FAM241A: variants seen among roughly 807,000 people sequenced by gnomAD.
The protein encoded by FAM241A is family with sequence similarity 241 member A, also known as uncharacterized protein FAM241A.
FAM241A carries 7 observed loss-of-function variants against 12.2 expected under a neutral mutation model. The observed-to-expected ratio is 0.58, with a 90% CI of 0.33 to 1.08. The LOEUF (loss-of-function observed/expected upper bound fraction) is 1.08. Among genes scored for constraint, FAM241A ranks in the 50% least tolerant of loss-of-function variants. FAM241A has a pLI of 0.04. For missense variants in FAM241A, 161 were observed against 169.7 expected, an observed-to-expected ratio of 0.95 and a Z score of 0.29; for synonymous variants, 74 against 68.2, an observed-to-expected ratio of 1.08 and a Z score of -0.42.
chr4:112,147,025 G>T (rs953134975), intron 1 of FAM241A, among the ~76,000 whole-genome samples: 10 of 152,168 alleles, frequency 6.6e-5, no homozygotes, highest in Non-Finnish European at 1.2e-4. Flanking sequence ...TCCTTTGGGG[G>T]TGGGGAGGGG....
At position 112,187,159 on chromosome 4, in the gene FAM241A, T is replaced by C. The variant is rs954902113; in HGVS notation, c.*221T>C. 1.3e-5 allele frequency: 7 copies of C among 524,180 alleles called. No individual in the cohort carries two copies. The highest frequency in any genetic ancestry group is 3.3e-5 in the East Asian group (1 of 30,538). 32.5% of individuals were successfully genotyped at this position (524,180 alleles called of 1,614,324 possible). On this transcript the variant is annotated 3_prime_UTR_variant, in exon 2 of 2. Transcript: ENST00000309733. ...ATATACATTAGCTTATTCAAAACTC[T>C]TGTTTCACTACTGTGATCTCTGTCT...
At chr4:112,161,208 A>T (rs1723460275) in intron 1 of FAM241A, among the ~76,000 whole-genome samples, 1 of 152,214 alleles carries the variant, frequency 6.6e-6, no homozygotes. Flanking sequence ...AAGAGAAAGC[A>T]GGAAAGATCT....
intron 1 of FAM241A, among the ~76,000 whole-genome samples, chr4:112,180,703 G>C (rs1307305079): frequency 2.0e-5 from 3 of 152,078 alleles, no homozygotes; most frequent in African/African-American, 7.2e-5. Context: ...ACTGAAGAAT[G>C]GTCAAAGAGG....
At chr4:112,179,914 G>GACAT (rs1479640205) in intron 1 of FAM241A, among the ~76,000 whole-genome samples, 3,258 of 117,746 alleles carry the variant, frequency 0.028, 207 homozygotes, top group South Asian at 0.076. Context: ...AAGAAAATGT[G>GACAT]ATATATATAT....
At chr4:112,172,220 A>G (rs1443091638) in intron 1 of FAM241A, among the ~76,000 whole-genome samples, 1 of 152,208 alleles carries the variant, frequency 6.6e-6, no homozygotes, top group Non-Finnish European at 1.5e-5. Context: ...TCATTTTTTA[A>G]ATTAATAAAT....
chr4:112,148,672 A>G (rs556372510), intron 1 of FAM241A, among the ~76,000 whole-genome samples: 1 of 152,346 alleles, frequency 6.6e-6, no homozygotes, highest in African/African-American at 2.4e-5. Flanking sequence ...GGGAATGTCC[A>G]AGAAACTGAA....
chr4:112,171,588 G>A (rs752683383), intron 1 of FAM241A: 25 of 641,384 alleles, frequency 3.9e-5, no homozygotes, highest in Non-Finnish European at 6.3e-5. Flanking sequence ...GGCCGGGTGC[G>A]GTGGCTCACG....
At position 112,189,726 on chromosome 4, in the gene FAM241A, G is replaced by A. The variant is rs1321371033; in HGVS notation, c.*2788G>A. ...TAGTGTGCTGGAGCAAGCTTGCACT[G>A]GCTTACAAGAGCCAACTGTGAACAT... is the stretch of plus-strand genomic sequence containing the variant. On this transcript the variant is annotated 3_prime_UTR_variant, in exon 2 of 2. Coordinates refer to ENST00000309733, the MANE Select transcript of FAM241A (RefSeq NM_152400.3). The A allele has an allele frequency of 2.0e-5, 3 of 152,188 alleles. No individual in the cohort carries two copies. The highest frequency in any genetic ancestry group is 2.9e-5 in the Non-Finnish European group (2 of 68,036). The allele number at this position is 152,188 out of a possible 1,614,324, so 9.4% of individuals were successfully genotyped here.
chr4:112,171,472 G>A, intron 1 of FAM241A: 1 of 778,676 alleles, frequency 1.3e-6, no homozygotes. Flanking sequence ...ATTAAAAGAT[G>A]CAAGCATTTT....
Position 112,193,389 on chromosome 4 carries a change from T to G in FAM241A, c.*6451T>G, listed in dbSNP as rs1014062336. 1.3e-5 allele frequency: 2 copies of G among 151,900 alleles called. No homozygotes were observed. Among genetic ancestry groups the G allele is most frequent in the African/African-American group, 4.9e-5 (2 of 41,178 alleles). 9.4% of individuals were successfully genotyped at this position (151,900 alleles called of 1,614,324 possible). A position where few individuals can be genotyped will look rare whatever the true frequency, so the allele number is the denominator to read the frequency against. On this transcript the variant is annotated 3_prime_UTR_variant, in exon 2 of 2. Coordinates refer to ENST00000309733, the MANE Select transcript of FAM241A (RefSeq NM_152400.3). ...TGTCAATTTTGTCTTTTGTTGCCAT[T>G]GCTTTTGGTGTTTTAGACATGAAGT...
In FAM241A at chr4:112,160,980, C is replaced by T. The variant is rs373082316; in HGVS notation, c.153+15247C>T. ...ACTACAAGAAAACATTGGGGAAAAG[C>T]TCCAGGACATTAGTTTGGACAAAAA... On this transcript the variant is annotated intron_variant, in intron 1 of 1. Coordinates refer to ENST00000309733, the MANE Select transcript of FAM241A (RefSeq NM_152400.3). Among the ~76,000 whole-genome samples the T allele has an allele frequency of 1.8e-4, 28 of 152,282 alleles. No homozygotes were observed. In the East Asian group the frequency reaches 5.0e-3, roughly 27 times the overall value.
chr4:112,158,229 A>G (rs965079377), intron 1 of FAM241A, among the ~76,000 whole-genome samples: 3 of 152,110 alleles, frequency 2.0e-5, no homozygotes, highest in African/African-American at 4.8e-5. Context: ...TTTGGAAATC[A>G]AAGTCTTTGG....
chr4:112,165,676 TCTTA>T (rs1416596105), intron 1 of FAM241A, among the ~76,000 whole-genome samples: 7 of 152,286 alleles, frequency 4.6e-5, no homozygotes, highest in South Asian at 2.1e-4. Flanking sequence ...CATCGCATAT[TCTTA>T]CTTACTTGTG....
intron 1 of FAM241A, among the ~76,000 whole-genome samples, chr4:112,175,905 A>G (rs1723811349): frequency 6.6e-6 from 1 of 152,228 alleles, no homozygotes; most frequent in African/African-American, 2.4e-5. Context: ...AATATATGGT[A>G]TATATACTAG....
rs764560269 is a variant in FAM241A, at chr4:112,186,683, T to C, written c.154-10T>C. Reference sequence around the variant, plus strand: ...ATGTTCATGTTTTGTCTTTTTTTTTTTTTTTAAAGGATGTTGAAGACTCAC... The same window carrying C: ...ATGTTCATGTTTTGTCTTTTTTTTTCTTTTTAAAGGATGTTGAAGACTCAC... On this transcript the variant is annotated splice_polypyrimidine_tract_variant and intron_variant, in intron 1 of 1. Transcript: ENST00000309733. The C allele has an allele frequency of 6.3e-7, 1 of 1,580,390 alleles. No homozygotes were observed. The highest frequency in any genetic ancestry group is 8.5e-7 in the Non-Finnish European group (1 of 1,169,622).
At position 112,186,800 on chromosome 4, in the gene FAM241A, C is replaced by G; in HGVS notation, c.261C>G (p.Phe87Leu). The change falls in exon 2 of 2, where the codon TTC becomes TTG. Residue 87 changes from phenylalanine to leucine, a missense_variant. Coordinates refer to ENST00000309733, the MANE Select transcript of FAM241A (RefSeq NM_152400.3). ...ELNKNLINMGFTRMYFGERIV... is the reference protein window; with the variant it reads ...ELNKNLINMGLTRMYFGERIV... Reference sequence around the variant, plus strand: ...ACAAAAACCTTATCAACATGGGCTTCACAAGGATGTATTTTGGAGAACGAA... The same window carrying G: ...ACAAAAACCTTATCAACATGGGCTTGACAAGGATGTATTTTGGAGAACGAA... The G allele has an allele frequency of 6.2e-7, 1 of 1,613,850 alleles. No homozygotes were observed. Among genetic ancestry groups the G allele is most frequent in the Non-Finnish European group, 8.5e-7 (1 of 1,179,974 alleles).
intron 1 of FAM241A, among the ~76,000 whole-genome samples, chr4:112,146,365 G>A (rs912270906): frequency 6.6e-6 from 1 of 152,180 alleles, no homozygotes; most frequent in African/African-American, 2.4e-5. Context: ...GTTATAAGAG[G>A]CCAGCCATAG....
Position 112,186,882 on chromosome 4 carries a change from C to A in FAM241A, c.343C>A (p.Gln115Lys). The A allele has an allele frequency of 6.2e-7, 1 of 1,614,110 alleles. No individual in the cohort carries two copies. The highest frequency in any genetic ancestry group is 1.3e-5 in the African/African-American group (1 of 75,042). The change falls in exon 2 of 2, where the codon CAA becomes AAA. Residue 115 changes from glutamine (Q) to lysine (K), a missense_variant. Coordinates refer to ENST00000309733, the MANE Select transcript of FAM241A (RefSeq NM_152400.3). Reference protein sequence around the residue: ...FWVMLWFLGLQALGLVAVLCL... With the variant: ...FWVMLWFLGLKALGLVAVLCL... ...GGTTATGCTGTGGTTCCTTGGCCTG[C>A]AAGCCCTTGGACTAGTTGCTGTTCT...
intron 1 of FAM241A, among the ~76,000 whole-genome samples, chr4:112,178,457 T>G (rs1471207204): frequency 6.6e-6 from 1 of 152,180 alleles, no homozygotes; most frequent in East Asian, 1.9e-4. Flanking sequence ...CACCATTAAA[T>G]AGGGAGTCCT....
Sources: gnomAD v4.1 joint callset for allele counts (sites outside exome capture counted in the v4.1 genomes callset) on GRCh38, gnomAD v4.1.1 for gene constraint, MANE v1.5 for transcripts, NCBI Gene and HGNC (gene_info 2026-07-23, HGNC 2026-07-21) for gene names.